SRGAP3: variants seen among roughly 807,000 people sequenced by gnomAD.
SRGAP3 encodes the protein SLIT-ROBO Rho GTPase-activating protein 3.
SRGAP3 carries 39 observed loss-of-function variants against 121.1 expected under a neutral mutation model. The ratio of observed to expected loss-of-function variants is 0.32; its 90% CI spans 0.25 to 0.42. SRGAP3 has a LOEUF of 0.42. Ranked by LOEUF, SRGAP3 falls within the 10% of genes least tolerant of loss-of-function variation. The pLI, the probability that SRGAP3 is intolerant of heterozygous loss-of-function variation, is 1.00. For synonymous variants in SRGAP3, 601 were observed against 570.0 expected, an observed-to-expected ratio of 1.05 and a Z score of -0.77; for missense variants, 1,213 against 1,470.6, an observed-to-expected ratio of 0.82 and a Z score of 2.86.
intron 1 of SRGAP3, among the ~76,000 whole-genome samples, chr3:9,211,667 T>C (rs989631209): frequency 6.0e-5 from 2 of 33,274 alleles, no homozygotes; most frequent in Non-Finnish European, 1.7e-4. Context: ...TTTCTTTTCT[T>C]TTTTTTTTTT....
At chr3:9,077,467 C>T (rs904832936) in intron 4 of SRGAP3, among the ~76,000 whole-genome samples, 1 of 152,174 alleles carries the variant, frequency 6.6e-6, no homozygotes, top group African/African-American at 2.4e-5. Context: ...CTACTGAAGA[C>T]TCAGTGTGCA....
chr3:9,278,845 C>T (rs887406117), intron 3 of SRGAP3, among the ~76,000 whole-genome samples: 2 of 152,154 alleles, frequency 1.3e-5, no homozygotes, highest in African/African-American at 4.8e-5. Flanking sequence ...GGTATCTGGA[C>T]TATAGTTGAG....
At chr3:9,217,303 C>T (rs2875415) in intron 1 of SRGAP3, 3 of 152,028 alleles carry the variant, frequency 2.0e-5, no homozygotes, top group Admixed American at 6.6e-5. Context: ...CTTTCCAATA[C>T]ATTGGGCTGT....
At chr3:9,087,159 G>A (rs536490428) in intron 3 of SRGAP3, among the ~76,000 whole-genome samples, 14 of 152,078 alleles carry the variant, frequency 9.2e-5, no homozygotes, top group Non-Finnish European at 2.1e-4. Flanking sequence ...ATCTATGAAC[G>A]AATGAAGTGA....
chr3:9,329,581 TG>T (rs1480654351), intron 2 of SRGAP3, among the ~76,000 whole-genome samples: 1 of 152,010 alleles, frequency 6.6e-6, no homozygotes, highest in African/African-American at 2.4e-5. Context: ...ATGGTCACCC[TG>T]AATAACAGAA....
intron 3 of SRGAP3, among the ~76,000 whole-genome samples, chr3:9,310,686 C>A (rs1017181446): frequency 1.3e-5 from 2 of 152,188 alleles, no homozygotes; most frequent in African/African-American, 4.8e-5. Context: ...AGAGTGAAAA[C>A]CAGCTGACTG....
chr3:8,996,811 G>A, intron 18 of SRGAP3, among the ~76,000 whole-genome samples: 1 of 152,186 alleles, frequency 6.6e-6, no homozygotes, highest in African/African-American at 2.4e-5. Flanking sequence ...GCGTGCTCCT[G>A]GGTTCGCCCA....
intron 1 of SRGAP3, among the ~76,000 whole-genome samples, chr3:9,127,792 C>G (rs940922620): frequency 6.6e-6 from 1 of 152,088 alleles, no homozygotes. Context: ...GTGGCACATG[C>G]CTCTAGTCCC....
chr3:9,248,023 G>A (rs977358747), intron 1 of SRGAP3, among the ~76,000 whole-genome samples: 2 of 152,224 alleles, frequency 1.3e-5, no homozygotes, highest in African/African-American at 4.8e-5. Flanking sequence ...CGCCTGGCTA[G>A]CGTGGATTTA....
chr3:9,176,479 A>G (rs1034504416), intron 1 of SRGAP3, among the ~76,000 whole-genome samples: 1 of 152,212 alleles, frequency 6.6e-6, no homozygotes, highest in African/African-American at 2.4e-5. Context: ...GATTTATTTG[A>G]CCACAGATTT....
intron 3 of SRGAP3, among the ~76,000 whole-genome samples, chr3:9,290,454 A>G (rs1954852521): frequency 6.6e-6 from 1 of 152,212 alleles, no homozygotes; most frequent in African/African-American, 2.4e-5. Flanking sequence ...TGAAAAGCTC[A>G]GTAGGGACTA....
chr3:9,100,688 C>A (rs1393588037), intron 3 of SRGAP3, among the ~76,000 whole-genome samples: 4 of 152,174 alleles, frequency 2.6e-5, no homozygotes, highest in Non-Finnish European at 5.9e-5. Context: ...TTTTTGCTGA[C>A]TGAGAGTTCA....
intron 3 of SRGAP3, among the ~76,000 whole-genome samples, chr3:9,284,191 C>T (rs1954727800): frequency 6.6e-6 from 1 of 151,616 alleles, no homozygotes; most frequent in African/African-American, 2.4e-5. Flanking sequence ...AAGTGCTCTT[C>T]CTGAAACAAC....
intron 3 of SRGAP3, among the ~76,000 whole-genome samples, chr3:9,313,048 CCCCCATTGCT>C (rs1198064380): frequency 2.0e-5 from 3 of 152,068 alleles, no homozygotes; most frequent in Admixed American, 6.6e-5. Flanking sequence ...TCCTGAAAAG[CCCCCATTGCT>C]CCCCATCTAC....
intron 3 of SRGAP3, among the ~76,000 whole-genome samples, chr3:9,318,890 G>GAAAGA (rs1955395720): frequency 6.6e-6 from 1 of 151,240 alleles, no homozygotes; most frequent in Non-Finnish European, 1.5e-5. Flanking sequence ...AGAAAAAAAA[G>GAAAGA]AAAGAAAAGA....
At chr3:9,123,007 G>C (rs1489514357) in intron 2 of SRGAP3, among the ~76,000 whole-genome samples, 6 of 152,178 alleles carry the variant, frequency 3.9e-5, no homozygotes, top group African/African-American at 1.4e-4. Context: ...GCCTGAAAAA[G>C]GAAGAACATT....
intron 1 of SRGAP3, among the ~76,000 whole-genome samples, chr3:9,208,585 T>C (rs1013013779): frequency 6.6e-6 from 1 of 152,224 alleles, no homozygotes; most frequent in Non-Finnish European, 1.5e-5. Flanking sequence ...TTGCCAGCCA[T>C]GCTCAAGTCA....
chr3:9,213,953 G>T (rs551366373), intron 1 of SRGAP3, among the ~76,000 whole-genome samples: 3 of 152,058 alleles, frequency 2.0e-5, no homozygotes, highest in East Asian at 1.9e-4. Context: ...GCTTACAGAC[G>T]TTTCCTGATT....
At chr3:9,315,543 G>T (rs558375975) in intron 3 of SRGAP3, among the ~76,000 whole-genome samples, 2 of 152,148 alleles carry the variant, frequency 1.3e-5, no homozygotes, top group African/African-American at 2.4e-5. Flanking sequence ...TGGCTGCTGG[G>T]GATGGGAGAC....
Sources: gnomAD v4.1 joint callset for allele counts (sites outside exome capture counted in the v4.1 genomes callset) on GRCh38, gnomAD v4.1.1 for gene constraint, MANE v1.5 for transcripts, NCBI Gene and HGNC (gene_info 2026-07-23, HGNC 2026-07-21) for gene names.